The following C8orf34 variants were observed in gnomAD, a reference collection of about 807,000 sequenced individuals.
C8orf34 encodes the protein uncharacterized protein C8orf34.
A neutral mutation model predicts 68.3 loss-of-function variants in C8orf34; 65 were observed. The observed-to-expected ratio is 0.95, with a 90% CI of 0.78 to 1.17. The LOEUF (loss-of-function observed/expected upper bound fraction) is 1.17, where lower values mean the gene tolerates loss of function less well. Ranked by LOEUF, C8orf34 falls within the 50% of genes most tolerant of loss-of-function variation. C8orf34 has a pLI of 0.00. For missense variants in C8orf34, 664 were observed against 655.4 expected, an observed-to-expected ratio of 1.01 and a Z score of -0.14; for synonymous variants, 244 against 241.2, an observed-to-expected ratio of 1.01 and a Z score of -0.11.
intron 5 of C8orf34, among the ~76,000 whole-genome samples, chr8:68,509,899 C>T (rs1286540258): frequency 1.3e-5 from 2 of 152,126 alleles, no homozygotes; most frequent in Non-Finnish European, 2.9e-5. Flanking sequence ...GAATCATCTG[C>T]TTTTATCCAC....
At chr8:68,683,331 C>T (rs1820422212) in intron 8 of C8orf34, among the ~76,000 whole-genome samples, 1 of 151,242 alleles carries the variant, frequency 6.6e-6, no homozygotes, top group Non-Finnish European at 1.5e-5. Context: ...GTTTTAGAAA[C>T]AGAATCAATA....
chr8:68,749,188 G>A (rs1333247657), intron 10 of C8orf34, among the ~76,000 whole-genome samples: 1 of 151,414 alleles, frequency 6.6e-6, no homozygotes, highest in Non-Finnish European at 1.5e-5. Flanking sequence ...ATTGAACAAT[G>A]AGAACACATG....
intron 1 of C8orf34, among the ~76,000 whole-genome samples, chr8:68,386,324 T>C (rs991159245): frequency 3.3e-5 from 5 of 152,202 alleles, no homozygotes; most frequent in African/African-American, 9.6e-5. Context: ...ATATTCCAAA[T>C]GCAATGGTCA....
rs775868825 is a variant in C8orf34, at chr8:68,468,872, G to A, written c.736+52G>A. On this transcript the variant is annotated intron_variant, in intron 4 of 13. Transcript: ENST00000518698. ...GAAACTCCTAACCAATATTAAAGCC[G>A]AAGCATTCATTACTTGTGCCAATAA... 2.9e-5 allele frequency: 45 copies of A among 1,564,764 alleles called. 1 individual carries two copies. The highest frequency in any genetic ancestry group is 1.3e-4 in the Admixed American group (7 of 53,674).
chr8:68,556,413 T>A (rs1816256338), intron 7 of C8orf34, among the ~76,000 whole-genome samples: 1 of 151,880 alleles, frequency 6.6e-6, no homozygotes, highest in Admixed American at 6.6e-5. Context: ...TTATTTATTC[T>A]AAATAATTTT....
At chr8:68,768,837 T>C (rs1489922897) in intron 10 of C8orf34, among the ~76,000 whole-genome samples, 1 of 152,116 alleles carries the variant, frequency 6.6e-6, no homozygotes, top group Non-Finnish European at 1.5e-5. Flanking sequence ...TTCCCATACC[T>C]AGGCATTTTG....
intron 3 of C8orf34, among the ~76,000 whole-genome samples, chr8:68,463,039 G>T (rs188499225): frequency 6.6e-6 from 1 of 151,856 alleles, no homozygotes; most frequent in Admixed American, 6.6e-5. Context: ...TTGATAGACC[G>T]CTAGCAAGAC....
At chr8:68,590,675 TTGAGTC>T (rs1817361097) in intron 7 of C8orf34, among the ~76,000 whole-genome samples, 1 of 152,184 alleles carries the variant, frequency 6.6e-6, no homozygotes, top group South Asian at 2.1e-4. Context: ...CCCCCAAGAT[TTGAGTC>T]TGAGTCTATC....
intron 7 of C8orf34, among the ~76,000 whole-genome samples, chr8:68,596,524 T>C (rs1295152548): frequency 5.3e-5 from 8 of 152,136 alleles, no homozygotes; most frequent in African/African-American, 1.7e-4. Context: ...GAGACTCCTG[T>C]ATTAGAGACA....
intron 8 of C8orf34, among the ~76,000 whole-genome samples, chr8:68,702,679 T>C (rs1057506847): frequency 1.6e-4 from 24 of 152,028 alleles, no homozygotes; most frequent in African/African-American, 5.8e-4. Flanking sequence ...CATGAAAAAA[T>C]TGTTAATTTG....
chr8:68,507,411 C>T (rs1814073723), intron 5 of C8orf34, among the ~76,000 whole-genome samples: 1 of 152,178 alleles, frequency 6.6e-6, no homozygotes, highest in South Asian at 2.1e-4. Context: ...AGATTAAACA[C>T]TACCATTAGA....
rs188144669 is a variant in C8orf34 at position 68,617,942 on chromosome 8, C to G, written c.1106-22434C>G. ...TACACCAATCAGATGTAGATTTGGT[C>G]TTTTCACATAGTCCCATATTTCTTG... On this transcript the variant is annotated intron_variant, in intron 7 of 13. Transcript: ENST00000518698. Among the ~76,000 whole-genome samples the G allele has an allele frequency of 9.0e-4, 137 of 152,264 alleles. 4 individuals are homozygous for G. In the East Asian group the frequency reaches 0.026, roughly 29 times the overall value.
intron 7 of C8orf34, among the ~76,000 whole-genome samples, chr8:68,623,523 T>C (rs920507020): frequency 1.3e-5 from 2 of 152,142 alleles, no homozygotes; most frequent in African/African-American, 2.4e-5. Flanking sequence ...TTGGATGTTG[T>C]TTTATGGGAG....
intron 1 of C8orf34, among the ~76,000 whole-genome samples, chr8:68,409,501 G>T (rs1157028168): frequency 6.6e-6 from 1 of 151,974 alleles, no homozygotes; most frequent in Non-Finnish European, 1.5e-5. Context: ...ATAGAATAAG[G>T]GTATAAAGAA....
chr8:68,473,467 A>G (rs1812468751), intron 4 of C8orf34, among the ~76,000 whole-genome samples: 1 of 152,186 alleles, frequency 6.6e-6, no homozygotes, highest in Non-Finnish European at 1.5e-5. Context: ...AAGGGAAGAC[A>G]GAGCCACCAT....
At chr8:68,339,463 C>A in intron 1 of C8orf34, among the ~76,000 whole-genome samples, 1 of 148,266 alleles carries the variant, frequency 6.7e-6, no homozygotes, top group Non-Finnish European at 1.5e-5. Flanking sequence ...ATGTAAGACC[C>A]CTACACTAAA....
chr8:68,789,331 A>G (rs1286854275), intron 12 of C8orf34, among the ~76,000 whole-genome samples: 1 of 152,262 alleles, frequency 6.6e-6, no homozygotes, highest in Non-Finnish European at 1.5e-5. Context: ...TGTTAATTAT[A>G]TGAGTGTGCT....
At chr8:68,683,973 C>T (rs1820442022) in intron 8 of C8orf34, among the ~76,000 whole-genome samples, 2 of 152,090 alleles carry the variant, frequency 1.3e-5, no homozygotes, top group South Asian at 4.1e-4. Flanking sequence ...AAGATAGGCT[C>T]ATGTTTTTAA....
At chr8:68,640,335 A>G in intron 7 of C8orf34, 41 bp from the exon 8 acceptor site, 2 of 1,588,036 alleles carry the variant, frequency 1.3e-6, no homozygotes, top group Non-Finnish European at 1.7e-6. Context: ...TAATTCCACT[A>G]GAGTTAATTT....
Sources: allele counts gnomAD v4.1 joint callset (sites outside exome capture counted in the v4.1 genomes callset), GRCh38; gene constraint gnomAD v4.1.1; transcripts MANE v1.5; gene names NCBI Gene and HGNC (gene_info 2026-07-23, HGNC 2026-07-21).